Variants in CEP63 observed in about 807,000 individuals in gnomAD.
CEP63 encodes centrosomal protein of 63 kDa.
Under a neutral mutation model 89.1 loss-of-function variants are expected in CEP63, and 84 were observed. The ratio of observed to expected loss-of-function variants is 0.94; its 90% CI spans 0.79 to 1.13. The LOEUF (loss-of-function observed/expected upper bound fraction) is 1.13, where lower values mean the gene tolerates loss of function less well. Among genes scored for constraint, CEP63 ranks in the 50% most tolerant of loss-of-function variants. The pLI is 0.00. For missense variants in CEP63, 838 were observed against 813.3 expected (o/e 1.03, Z -0.37); for synonymous variants, 267 against 272.5 (o/e 0.98, Z 0.20).
At chr3:134,678,335 C>A in the CEP63 span, among the ~76,000 whole-genome samples, 2 of 152,160 alleles carry the variant, frequency 1.3e-5, no homozygotes, top group Non-Finnish European at 2.9e-5. Context: ...TCTCTGTACC[C>A]CCACCCAGGC....
In CEP63 at chr3:134,524,532, C is replaced by G. The variant is rs569009278; in HGVS notation, c.223-7313C>G. Among the ~76,000 whole-genome samples the G allele has an allele frequency of 2.6e-5, 4 of 152,154 alleles. No homozygotes were observed. The East Asian group carries it at 7.7e-4, about 29-fold the overall frequency. On this transcript the variant is annotated intron_variant, in intron 3 of 14. Transcript: ENST00000675561. ...GGCTTTGGGTTTGTCATAGATGGCT[C>G]TTACTATTTTGAGGTGCGTTTCTTC...
the CEP63 span, among the ~76,000 whole-genome samples, chr3:134,663,349 C>G: frequency 6.6e-6 from 1 of 152,136 alleles, no homozygotes; most frequent in Non-Finnish European, 1.5e-5. Context: ...ACCAAGAGCT[C>G]TAGTAACATC....
chr3:134,682,396 A>G, the CEP63 span, among the ~76,000 whole-genome samples: 1 of 152,208 alleles, frequency 6.6e-6, no homozygotes, highest in Non-Finnish European at 1.5e-5. Flanking sequence ...GTTGCAAATC[A>G]TTAACTAGAC....
At chr3:134,605,697 C>T in the CEP63 span, among the ~76,000 whole-genome samples, 1 of 151,964 alleles carries the variant, frequency 6.6e-6, no homozygotes, top group Non-Finnish European at 1.5e-5. Context: ...TCCCCTCTGC[C>T]GGTCAGCTCT....
At chr3:134,714,483 G>A in the CEP63 span, among the ~76,000 whole-genome samples, 1 of 152,128 alleles carries the variant, frequency 6.6e-6, no homozygotes, top group Non-Finnish European at 1.5e-5. Context: ...ACAACCAACA[G>A]CACAGGCCCC....
the CEP63 span, chr3:134,608,830 C>A: frequency 1.2e-6 from 2 of 1,608,574 alleles, no homozygotes; most frequent in Non-Finnish European, 1.7e-6. Context: ...GGAAGTAGAA[C>A]TCATTGTAGC....
intron 3 of CEP63, among the ~76,000 whole-genome samples, chr3:134,508,012 C>T (rs1943893412): frequency 1.3e-5 from 2 of 152,130 alleles, no homozygotes; most frequent in Admixed American, 1.3e-4. Context: ...GAGCACTGGT[C>T]CCATTTCTCA....
At chr3:134,540,742 C>T (rs1170286230) in intron 6 of CEP63, among the ~76,000 whole-genome samples, 12 of 141,438 alleles carry the variant, frequency 8.5e-5, no homozygotes, top group African/African-American at 2.6e-4. Context: ...TATTTGTGTC[C>T]TTTATTCACC....
chr3:134,627,819 C>G, the CEP63 span: 4 of 1,611,342 alleles, frequency 2.5e-6, no homozygotes, highest in African/African-American at 2.7e-5. Context: ...CCTTGTAAAC[C>G]TACAATATTC....
At chr3:134,617,312 C>T in the CEP63 span, among the ~76,000 whole-genome samples, 12 of 152,152 alleles carry the variant, frequency 7.9e-5, no homozygotes, top group Non-Finnish European at 1.8e-4. Flanking sequence ...GCTATTTCAT[C>T]AGTTAAAAGA....
the CEP63 span, among the ~76,000 whole-genome samples, chr3:134,718,830 C>G: frequency 6.6e-6 from 1 of 152,248 alleles, no homozygotes; most frequent in African/African-American, 2.4e-5. Context: ...CAAGGCTACA[C>G]TTTCCTCGCT....
chr3:134,505,658 C>T (rs1043730489), intron 2 of CEP63, among the ~76,000 whole-genome samples: 1 of 152,110 alleles, frequency 6.6e-6, no homozygotes, highest in Non-Finnish European at 1.5e-5. Flanking sequence ...TCCAAGGTCC[C>T]TGGATGATGT....
chr3:134,742,608 G>T, the CEP63 span, among the ~76,000 whole-genome samples: 1 of 152,190 alleles, frequency 6.6e-6, no homozygotes, highest in Non-Finnish European at 1.5e-5. Context: ...GAATGCTATG[G>T]TTTAGTACTT....
the CEP63 span, among the ~76,000 whole-genome samples, chr3:134,747,510 C>T: frequency 6.6e-6 from 1 of 152,150 alleles, no homozygotes; most frequent in Non-Finnish European, 1.5e-5. Context: ...GTGTTTAGGG[C>T]CCCACTTCAC....
At chr3:134,608,741 A>G in the CEP63 span, 1 of 1,614,022 alleles carries the variant, frequency 6.2e-7, no homozygotes, top group East Asian at 2.2e-5. Context: ...AAACTGCCTC[A>G]GAGATTGAGG....
At chr3:134,598,872 T>A in the CEP63 span, among the ~76,000 whole-genome samples, 843 of 152,336 alleles carry the variant, frequency 5.5e-3, 7 homozygotes, top group African/African-American at 0.019. Context: ...CCGTTAACTT[T>A]CAGTTTCCTT....
the CEP63 span, chr3:134,651,632 G>T: frequency 2.0e-6 from 2 of 986,444 alleles, no homozygotes; most frequent in South Asian, 9.4e-5. Context: ...CCCCAGTTAC[G>T]GCCCCTGTAG....
the CEP63 span, among the ~76,000 whole-genome samples, chr3:134,613,358 T>C: frequency 1.1e-4 from 16 of 152,030 alleles, no homozygotes; most frequent in African/African-American, 3.4e-4. Flanking sequence ...GGAGGCAAGA[T>C]TGGAAAAACC....
At chr3:134,554,045 A>G (rs1955534928) in intron 12 of CEP63, among the ~76,000 whole-genome samples, 2 of 152,194 alleles carry the variant, frequency 1.3e-5, no homozygotes, top group Non-Finnish European at 2.9e-5. Context: ...TAAAACTGTC[A>G]TGAAAGGATT....
Sources: allele counts gnomAD v4.1 joint callset (sites outside exome capture counted in the v4.1 genomes callset), GRCh38; gene constraint gnomAD v4.1.1; transcripts MANE v1.5; gene names NCBI Gene and HGNC (gene_info 2026-07-23, HGNC 2026-07-21).